CSNK1A1: variants seen among roughly 807,000 people sequenced by gnomAD.
The protein encoded by CSNK1A1 is casein kinase 1 alpha 1, also known as casein kinase I isoform alpha.
In CSNK1A1, 7 loss-of-function variants were observed where a neutral mutation model predicts 46.1. The ratio of observed to expected loss-of-function variants is 0.15; its 90% CI spans 0.09 to 0.29. The LOEUF is 0.29. CSNK1A1 is among the 10% of genes least tolerant of loss of function. The probability of loss-of-function intolerance (pLI) is 1.00; values close to 1 mark genes in which losing one functional copy is unlikely to be tolerated. For missense variants in CSNK1A1, 96 were observed against 417.1 expected (o/e 0.23, Z 6.71); for synonymous variants, 137 against 141.5 (o/e 0.97, Z 0.23).
intron 2 of CSNK1A1, among the ~76,000 whole-genome samples, chr5:149,533,243 C>T (rs1436987577): frequency 6.6e-6 from 1 of 152,092 alleles, no homozygotes; most frequent in Non-Finnish European, 1.5e-5. Flanking sequence ...GCTAACAAGA[C>T]AAAACAAAAT....
rs753082080 is a variant in CSNK1A1, at chr5:149,550,968, G to A, written c.-4C>T. 4 of 1,613,938 alleles carry A rather than the reference G, an allele frequency of 2.5e-6. No homozygotes were observed. The highest frequency in any genetic ancestry group is 3.4e-6 in the Non-Finnish European group (4 of 1,179,952). On this transcript the variant is annotated 5_prime_UTR_variant, in exon 1 of 10. Transcript: ENST00000377843. This position sits in a 1 kb window ranked among gnomAD's most constrained non-coding sequence, Gnocchi z 4.3. ...TGGAGCCGCTGCTACTCGCCATCCT[G>A]AGAGACGAAGATGGAGGCTGGGGCC...
At chr5:149,504,183 C>T (rs1282826604) in intron 9 of CSNK1A1, 2 of 985,286 alleles carry the variant, frequency 2.0e-6, no homozygotes, top group Admixed American at 6.1e-5. Context: ...TTACATGTCA[C>T]CATCTGAAAA....
chr5:149,499,259 A>G (rs925973922), intron 9 of CSNK1A1: 45 of 982,632 alleles, frequency 4.6e-5, no homozygotes, highest in Non-Finnish European at 5.2e-5. Flanking sequence ...CTTCACTGTA[A>G]CATCAGTTAA....
intron 9 of CSNK1A1, among the ~76,000 whole-genome samples, chr5:149,499,739 G>A (rs1370572756): frequency 6.6e-6 from 1 of 151,414 alleles, no homozygotes; most frequent in African/African-American, 2.4e-5. Flanking sequence ...GTTCTTATTC[G>A]TAAATTAATT....
Position 149,495,557 on chromosome 5 carries a change from T to G in CSNK1A1, c.*1296A>C, listed in dbSNP as rs1158526425. ...AATCACTGAACCTCACACAGTGTGA[T>G]GCTCTCCAAGGGTGAAAGTCAACTG... On this transcript the variant is annotated 3_prime_UTR_variant, in exon 10 of 10. Transcript: ENST00000377843. 1.3e-5 allele frequency: 2 copies of G among 152,162 alleles called. No individual in the cohort carries two copies. Among genetic ancestry groups the G allele is most frequent in the African/African-American group, 4.8e-5 (2 of 41,440 alleles). 9.4% of individuals were successfully genotyped at this position (152,162 alleles called of 1,614,324 possible). A position where few individuals can be genotyped will look rare whatever the true frequency, so the allele number is the denominator to read the frequency against.
chr5:149,550,245 G>A lies in CSNK1A1; in HGVS notation c.124-64C>T. 1 of 1,572,574 alleles carries A rather than the reference G, an allele frequency of 6.4e-7. No homozygotes were observed. Among genetic ancestry groups the A allele is most frequent in the Non-Finnish European group, 8.6e-7 (1 of 1,159,600 alleles). The stretch of plus-strand genomic sequence containing the variant: ...ACGGATTCAATGTCACTTAGGAAAG[G>A]AGGGAGACATTAGCAAAACTCCAAG... On this transcript the variant is annotated intron_variant, in intron 1 of 9. Coordinates refer to ENST00000377843, the MANE Select transcript of CSNK1A1 (RefSeq NM_001892.6). This position sits in a 1 kb window ranked among gnomAD's most constrained non-coding sequence, Gnocchi z 4.3.
intron 4 of CSNK1A1, among the ~76,000 whole-genome samples, chr5:149,516,729 C>G (rs1761416759): frequency 6.6e-6 from 1 of 152,106 alleles, no homozygotes; most frequent in African/African-American, 2.4e-5. Flanking sequence ...CTTCCCCCCA[C>G]CCCTTATCTA....
intron 2 of CSNK1A1, among the ~76,000 whole-genome samples, chr5:149,530,852 C>T (rs1020479926): frequency 7.3e-5 from 11 of 150,644 alleles, no homozygotes; most frequent in East Asian, 2.0e-4. Context: ...TATAGTCCCA[C>T]CTACTCAGGA....
At chr5:149,549,377 G>A (rs1375842580) in intron 2 of CSNK1A1, 2 of 678,680 alleles carry the variant, frequency 2.9e-6, no homozygotes, top group Non-Finnish European at 5.5e-6. Flanking sequence ...TTTACATAGT[G>A]TAATTCAACA....
chr5:149,509,045 T>A (rs190204923), intron 7 of CSNK1A1, among the ~76,000 whole-genome samples: 2 of 151,954 alleles, frequency 1.3e-5, no homozygotes, highest in Non-Finnish European at 2.9e-5. Flanking sequence ...TGCCCCAGCA[T>A]CCCCAAGAAG....
In CSNK1A1 at chr5:149,502,934, A is replaced by C. The variant is rs1201107818; in HGVS notation, c.1006+2513T>G. ...TAGGTGCACGCCACCACACCTGGCT[A>C]ATTTTTGTATTTTTTGTAGAGATGG... On this transcript the variant is annotated intron_variant, in intron 9 of 9. Coordinates refer to ENST00000377843, the MANE Select transcript of CSNK1A1 (RefSeq NM_001892.6). 9.7e-6 allele frequency: 6 copies of C among 620,132 alleles called. No homozygotes were observed. The African/African-American group carries it at 1.0e-4, about 10-fold the overall frequency. 38.4% of individuals were successfully genotyped at this position (620,132 alleles called of 1,614,324 possible). A position where few individuals can be genotyped will look rare whatever the true frequency, so the allele number is the denominator to read the frequency against.
intron 4 of CSNK1A1, 88 bp from the exon 5 acceptor site, chr5:149,513,297 A>C: frequency 2.5e-6 from 3 of 1,193,194 alleles, no homozygotes; most frequent in Non-Finnish European, 3.5e-6. Flanking sequence ...TATTCTATGC[A>C]TTCAAATATA....
chr5:149,496,981 T>C, intron 9 of CSNK1A1, 121 bp from the exon 10 acceptor site: 1 of 1,464,346 alleles, frequency 6.8e-7, no homozygotes, highest in Non-Finnish European at 8.9e-7. Context: ...TGTTATTTCG[T>C]CTCTTGTGAA....
At chr5:149,503,588 T>C in intron 9 of CSNK1A1, 1 of 984,762 alleles carries the variant, frequency 1.0e-6, no homozygotes, top group South Asian at 4.7e-5. Flanking sequence ...AGATTTTAAG[T>C]TGCTTTTACA....
At chr5:149,529,089 T>C (rs1761807405) in intron 2 of CSNK1A1, among the ~76,000 whole-genome samples, 1 of 152,238 alleles carries the variant, frequency 6.6e-6, no homozygotes, top group Non-Finnish European at 1.5e-5. Flanking sequence ...GATTTGGACC[T>C]TATTCTTCCT....
chr5:149,533,476 CA>C (rs1174294246), intron 2 of CSNK1A1, among the ~76,000 whole-genome samples: 1 of 152,052 alleles, frequency 6.6e-6, no homozygotes, highest in African/African-American at 2.4e-5. Flanking sequence ...CTGGTGCTCA[CA>C]AGAAACTAAG....
At chr5:149,548,217 G>A (rs953587952) in intron 2 of CSNK1A1, among the ~76,000 whole-genome samples, 1 of 152,124 alleles carries the variant, frequency 6.6e-6, no homozygotes, top group African/African-American at 2.4e-5. Context: ...TCCATGTAAA[G>A]ACTATGCAAC....
At chr5:149,545,365 G>A (rs1300178013) in intron 2 of CSNK1A1, 11 of 427,566 alleles carry the variant, frequency 2.6e-5, no homozygotes, top group Non-Finnish European at 3.8e-5. Context: ...CTGTCCTCAC[G>A]TTGGCAGACA....
At position 149,495,070 on chromosome 5, in the gene CSNK1A1, AG is replaced by A. The variant is rs1352895033; in HGVS notation, c.*1782del. On this transcript the variant is annotated 3_prime_UTR_variant, in exon 10 of 10. Coordinates refer to ENST00000377843, the MANE Select transcript of CSNK1A1 (RefSeq NM_001892.6). The stretch of plus-strand genomic sequence containing the variant: ...CAAGAAACAAATACCTCAACCGACA[AG>A]GGTGGATAGAAAAGAAACAAAGAAG... 1 of 152,216 alleles carries A rather than the reference AG, an allele frequency of 6.6e-6. No individual in the cohort carries two copies. The highest frequency in any genetic ancestry group is 1.5e-5 in the Non-Finnish European group (1 of 68,030). 9.4% of individuals were successfully genotyped at this position (152,216 alleles called of 1,614,324 possible).
Sources: gnomAD v4.1 joint callset for allele counts (sites outside exome capture counted in the v4.1 genomes callset) on GRCh38, gnomAD v4.1.1 for gene constraint, Gnocchi (gnomAD v3.1) non-coding constraint, MANE v1.5 for transcripts, NCBI Gene and HGNC (gene_info 2026-07-23, HGNC 2026-07-21) for gene names.